EWSR1: variants seen among roughly 807,000 people sequenced by gnomAD.
EWSR1 encodes the protein RNA-binding protein EWS.
In EWSR1, 14 loss-of-function variants were observed where a neutral mutation model predicts 92.1. The ratio of observed to expected loss-of-function variants is 0.15; its 90% CI spans 0.10 to 0.24. The LOEUF (loss-of-function observed/expected upper bound fraction) is 0.24, where lower values mean the gene tolerates loss of function less well. EWSR1 is among the 10% of genes least tolerant of loss of function. EWSR1 has a pLI of 1.00. For synonymous variants in EWSR1, 303 were observed against 292.9 expected, an observed-to-expected ratio of 1.03 and a Z score of -0.35; for missense variants, 637 against 870.9, an observed-to-expected ratio of 0.73 and a Z score of 3.38.
In EWSR1 at chr22:29,300,028, CG is replaced by C. The variant is rs1348302082; in HGVS notation, c.1932-93del. The C allele has an allele frequency of 2.4e-5, 12 of 493,988 alleles. 2 individuals are homozygous for C. In the African/African-American group the frequency reaches 2.6e-4, roughly 11 times the overall value. The allele number at this position is 493,988 out of a possible 1,614,324, so 30.6% of individuals were successfully genotyped here. ...CTTCCTCACCCCTTCCCATTCTAACCGATTGGGAGGAGCCAGGAAGGGGCAC... is the reference window on the plus strand; with the variant it reads ...CTTCCTCACCCCTTCCCATTCTAACCATTGGGAGGAGCCAGGAAGGGGCAC... On this transcript the variant is annotated intron_variant, in intron 16 of 16. Coordinates refer to ENST00000397938, the MANE Select transcript of EWSR1 (RefSeq NM_005243.4).
chr22:29,278,187 G>A lies in EWSR1; in HGVS notation c.384G>A (p.Gly128=). The change falls in exon 5 of 17, where the codon GGG becomes GGA. Residue 128 remains glycine, a synonymous_variant. Coordinates refer to ENST00000397938, the MANE Select transcript of EWSR1 (RefSeq NM_005243.4). ...CTCAGCCTGCTTATCCAGCCTATGG[G>A]CAGCAGCCAGCAGCCACTGCACCTA... ...YGTQPAYPAY[G]QQPAATAPTR... 6.2e-7 allele frequency: 1 copy of A among 1,613,838 alleles called. No individual in the cohort carries two copies. Among genetic ancestry groups the A allele is most frequent in the Non-Finnish European group, 8.5e-7 (1 of 1,179,950 alleles).
intron 6 of EWSR1, among the ~76,000 whole-genome samples, chr22:29,282,846 T>TC (rs535056909): frequency 9.7e-4 from 144 of 148,866 alleles, no homozygotes; most frequent in African/African-American, 3.6e-3. Context: ...CACTGCAAGC[T>TC]CCACCTCCTG....
chr22:29,276,871 C>CT (rs1489733089), intron 4 of EWSR1: 42 of 230,620 alleles, frequency 1.8e-4, no homozygotes, highest in Non-Finnish European at 3.0e-4. Context: ...AGGGTGGTCT[C>CT]TAACTCCTAA....
rs561363045 is a variant in EWSR1, at chr22:29,281,977, C to G, written c.414-413C>G. 5.9e-5 allele frequency among the ~76,000 whole-genome samples: 9 copies of G among 152,318 alleles called. No individual in the cohort carries two copies. In the South Asian group the frequency reaches 1.9e-3, roughly 32 times the overall value. ...TGGACTTACGTAAATGTTACTTCAA[C>G]CTAAAACTTAACATTATTGTTAGTT... On this transcript the variant is annotated intron_variant, in intron 5 of 16. Coordinates refer to ENST00000397938, the MANE Select transcript of EWSR1 (RefSeq NM_005243.4).
At chr22:29,280,743 G>A (rs966929793) in intron 5 of EWSR1, among the ~76,000 whole-genome samples, 3 of 150,376 alleles carry the variant, frequency 2.0e-5, no homozygotes, top group Admixed American at 6.6e-5. Flanking sequence ...GCACAATCTC[G>A]GCTCGCTGGA....
intron 8 of EWSR1, chr22:29,289,059 A>G (rs974616529): frequency 1.0e-5 from 4 of 385,948 alleles, no homozygotes; most frequent in African/African-American, 8.2e-5. Context: ...CATGGTTTCC[A>G]GAGGTGAGAA....
intron 8 of EWSR1, chr22:29,289,541 C>G (rs956014530): frequency 4.3e-6 from 1 of 232,050 alleles, no homozygotes; most frequent in Non-Finnish European, 8.5e-6. Flanking sequence ...GGTGTCTGTA[C>G]TTTGATGAAG....
At chr22:29,294,283 A>G (rs7287447) in intron 11 of EWSR1, among the ~76,000 whole-genome samples, 2 of 152,086 alleles carry the variant, frequency 1.3e-5, no homozygotes, top group African/African-American at 4.8e-5. Flanking sequence ...GTTAAATGAC[A>G]CTTTTCTGGT....
chr22:29,290,255 T>G, intron 8 of EWSR1: 5 of 594,876 alleles, frequency 8.4e-6, no homozygotes, highest in Non-Finnish European at 1.4e-5. Flanking sequence ...TTGCCCCCCT[T>G]TTTATTGTGG....
At chr22:29,279,202 A>C (rs1329137706) in intron 5 of EWSR1, among the ~76,000 whole-genome samples, 1 of 152,148 alleles carries the variant, frequency 6.6e-6, no homozygotes, top group Non-Finnish European at 1.5e-5. Context: ...TGTACTTTTG[A>C]TGCTTTTATC....
intron 4 of EWSR1, among the ~76,000 whole-genome samples, chr22:29,275,349 A>G (rs2059020837): frequency 6.6e-6 from 1 of 152,248 alleles, no homozygotes; most frequent in African/African-American, 2.4e-5. Context: ...ATGGTTCTCT[A>G]GAGCCATGTA....
rs368221410 is a variant in EWSR1 at position 29,299,684 on chromosome 22, C to G, written c.1764C>G (p.Phe588Leu). 5 of 1,612,394 alleles carry G rather than the reference C, an allele frequency of 3.1e-6. No individual in the cohort carries two copies. Among genetic ancestry groups the G allele is most frequent in the Non-Finnish European group, 4.2e-6 (5 of 1,179,402 alleles). The change falls in exon 16 of 17, where the codon TTC becomes TTG. Residue 588 changes from phenylalanine to leucine, a missense_variant. By Grantham distance (22) the Phe-to-Leu change is conservative. Coordinates refer to ENST00000397938, the MANE Select transcript of EWSR1 (RefSeq NM_005243.4). ...LMDRGGPGGM[F>L]RGGRGGDRGG... ...ATCGTGGTGGTCCCGGTGGAATGTTCAGAGGTGGCCGTGGTGGAGACAGAG... is the reference window on the plus strand; with the variant it reads ...ATCGTGGTGGTCCCGGTGGAATGTTGAGAGGTGGCCGTGGTGGAGACAGAG...
In EWSR1 at chr22:29,282,396, G is replaced by A; in HGVS notation, c.420G>A (p.Gln140=). The A allele has an allele frequency of 6.3e-7, 1 of 1,581,710 alleles. No individual in the cohort carries two copies. The highest frequency in any genetic ancestry group is 2.3e-5 in the East Asian group (1 of 43,500). ...TTATTATTTCTCCTCTTAGACCGCA[G>A]GATGGAAACAAGCCCACTGAGACTA... is the stretch of plus-strand genomic sequence containing the variant. ...QPAATAPTRP[Q]DGNKPTETSQ... is the part of the protein sequence containing the mutation. Residue 140 remains glutamine, a synonymous_variant, in exon 6 of 17, where the codon CAG becomes CAA. Coordinates refer to ENST00000397938, the MANE Select transcript of EWSR1 (RefSeq NM_005243.4).
intron 5 of EWSR1, among the ~76,000 whole-genome samples, chr22:29,278,533 C>CA (rs1224204385): frequency 9.9e-5 from 15 of 151,438 alleles, no homozygotes; most frequent in East Asian, 5.8e-4. Flanking sequence ...ACTAAAAATG[C>CA]AAAAATACCG....
At chr22:29,291,436 TGA>T in intron 8 of EWSR1, 124 bp from the exon 9 acceptor site, 3 of 843,424 alleles carry the variant, frequency 3.6e-6, no homozygotes, top group Non-Finnish European at 5.5e-6. Context: ...AGTGACAAGA[TGA>T]GAGAGATGCA....
intron 11 of EWSR1, chr22:29,295,859 G>C (rs1313407952): frequency 3.9e-6 from 1 of 256,246 alleles, no homozygotes; most frequent in African/African-American, 2.2e-5. Flanking sequence ...CACGGTTTAA[G>C]GATAATTTTC....
chr22:29,281,604 G>A (rs1167904269), intron 5 of EWSR1, among the ~76,000 whole-genome samples: 9 of 151,192 alleles, frequency 6.0e-5, no homozygotes, highest in East Asian at 3.9e-4. Flanking sequence ...TTTTTGAGAC[G>A]GAGTCTTGCT....
At chr22:29,300,010 ACCCCTTCCC>A in intron 16 of EWSR1, 103 bp from the exon 17 acceptor site, 2 of 657,990 alleles carry the variant, frequency 3.0e-6, no homozygotes. Context: ...GGGCTTCCTC[ACCCCTTCCC>A]ATTCTAACCG....
intron 4 of EWSR1, chr22:29,277,240 G>A: frequency 4.4e-6 from 1 of 226,756 alleles, no homozygotes; most frequent in Non-Finnish European, 8.8e-6. Context: ...ATATTGCTGA[G>A]CAGGAAAAAG....
Sources: allele counts gnomAD v4.1 joint callset (sites outside exome capture counted in the v4.1 genomes callset), GRCh38; gene constraint gnomAD v4.1.1; transcripts MANE v1.5; gene names NCBI Gene and HGNC (gene_info 2026-07-23, HGNC 2026-07-21).